Variants in SYTL5 observed in about 807,000 individuals in gnomAD.
SYTL5 encodes the protein synaptotagmin-like protein 5.
In SYTL5, 34 loss-of-function variants were observed where a neutral mutation model predicts 55.9. The observed-to-expected ratio is 0.61, with a 90% CI of 0.46 to 0.81. SYTL5 has a LOEUF of 0.81. SYTL5 is among the 30% of genes least tolerant of loss of function. SYTL5 has a pLI of 0.00. For synonymous variants in SYTL5, 221 were observed against 188.7 expected (o/e 1.17, Z -1.40); for missense variants, 637 against 546.7 (o/e 1.17, Z -1.65).
At chrX:37,904,775 C>T in the SYTL5 span, among the ~76,000 whole-genome samples, 1 of 111,166 alleles carries the variant, frequency 9.0e-6, no homozygotes, top group Non-Finnish European at 1.9e-5. Context: ...ATTGGACCCC[C>T]ATCCTTTACC....
chrX:37,936,320 T>C, the SYTL5 span, among the ~76,000 whole-genome samples: 81 of 111,937 alleles, frequency 7.2e-4, no homozygotes, highest in Admixed American at 1.5e-3. Context: ...TTACACTATG[T>C]TTAGTATTCA....
the SYTL5 span, among the ~76,000 whole-genome samples, chrX:37,957,351 C>A: frequency 9.0e-6 from 1 of 111,545 alleles, no homozygotes; most frequent in Non-Finnish European, 1.9e-5. Flanking sequence ...GAAATCATTG[C>A]CAAGAACCAA....
intron 11 of SYTL5, among the ~76,000 whole-genome samples, chrX:38,108,333 C>G (rs1288422891): frequency 9.0e-6 from 1 of 111,535 alleles, no homozygotes; most frequent in East Asian, 2.8e-4. Flanking sequence ...TTCTTGAGGT[C>G]ACCAAATCTC....
At chrX:38,094,554 G>C in intron 8 of SYTL5, 130 bp downstream of exon 8, 1 of 686,692 alleles carries the variant, frequency 1.5e-6, no homozygotes, top group South Asian at 4.4e-5. Context: ...GACCTATGGT[G>C]GTAGGCCACT....
chrX:38,115,350 A>G (rs1038687303), intron 13 of SYTL5, among the ~76,000 whole-genome samples: 2 of 103,090 alleles, frequency 1.9e-5, no homozygotes, highest in Admixed American at 1.0e-4. Context: ...CGGGCGTGGT[A>G]GCGGGCGCCT....
Position 38,096,473 on chromosome X carries a change from C to A in SYTL5, c.1062+239C>A, listed in dbSNP as rs1386663458. On this transcript the variant is annotated intron_variant, in intron 9 of 16. Transcript: ENST00000297875. Reference sequence around the variant, plus strand: ...CTAAGAAAACACATGTTGGAGATTTCAATTTCTGGCTAAAGTCTTATCACT... The same window carrying A: ...CTAAGAAAACACATGTTGGAGATTTAAATTTCTGGCTAAAGTCTTATCACT... 1.7e-4 allele frequency among the ~76,000 whole-genome samples: 19 copies of A among 111,238 alleles called. No homozygotes were observed. In the Admixed American group the frequency reaches 1.8e-3, roughly 11 times the overall value.
chrX:37,920,441 C>T, the SYTL5 span, among the ~76,000 whole-genome samples: 2 of 110,215 alleles, frequency 1.8e-5, no homozygotes, highest in African/African-American at 3.3e-5. Context: ...CCTGTAGAAT[C>T]GTCTCCTCCA....
intron 1 of SYTL5, among the ~76,000 whole-genome samples, chrX:38,028,929 G>A (rs1934866807): frequency 1.8e-5 from 2 of 111,533 alleles, no homozygotes; most frequent in African/African-American, 6.5e-5. Flanking sequence ...AATGTTTCCT[G>A]TATGATTTTT....
chrX:37,973,015 T>A, the SYTL5 span, among the ~76,000 whole-genome samples: 5 of 111,882 alleles, frequency 4.5e-5, no homozygotes, highest in Non-Finnish European at 9.4e-5. Context: ...TTGCTCTTAG[T>A]TGATTATCTC....
the SYTL5 span, among the ~76,000 whole-genome samples, chrX:37,893,870 T>C: frequency 2.8e-5 from 3 of 105,401 alleles, no homozygotes; most frequent in Non-Finnish European, 5.8e-5. Context: ...AATTGCTTGA[T>C]AAATTTTTAA....
chrX:38,093,968 T>C (rs538585575), intron 7 of SYTL5, among the ~76,000 whole-genome samples: 2 of 111,448 alleles, frequency 1.8e-5, no homozygotes, highest in Admixed American at 1.9e-4. Flanking sequence ...CAGATTATTA[T>C]ACATCCCTCA....
At chrX:37,936,771 G>C in the SYTL5 span, among the ~76,000 whole-genome samples, 19 of 111,312 alleles carry the variant, frequency 1.7e-4, 1 homozygote, top group Admixed American at 1.6e-3. Context: ...ACTAGGTGCA[G>C]TGGCTCACGC....
At chrX:37,974,031 G>A in the SYTL5 span, among the ~76,000 whole-genome samples, 1 of 111,713 alleles carries the variant, frequency 9.0e-6, no homozygotes, top group Non-Finnish European at 1.9e-5. Context: ...TAAAATGGTA[G>A]CTACCAGGGG....
the SYTL5 span, among the ~76,000 whole-genome samples, chrX:37,915,239 T>C: frequency 1.8e-5 from 2 of 111,917 alleles, no homozygotes; most frequent in South Asian, 7.5e-4. Flanking sequence ...TTTTTCTTTA[T>C]ACTTCCAAAC....
intron 6 of SYTL5, among the ~76,000 whole-genome samples, chrX:38,081,222 G>A (rs113231213): frequency 0.014 from 1,579 of 110,958 alleles, 11 homozygotes; most frequent in African/African-American, 0.016. Flanking sequence ...AGGAGCGAGG[G>A]GTGGGCAATC....
chrX:38,058,946 G>A (rs1328910555), intron 3 of SYTL5, among the ~76,000 whole-genome samples: 3 of 110,728 alleles, frequency 2.7e-5, no homozygotes, highest in Admixed American at 9.6e-5. Flanking sequence ...GTAATATTCA[G>A]CATCTTTTAG....
At chrX:37,925,755 C>G in the SYTL5 span, among the ~76,000 whole-genome samples, 248 of 110,710 alleles carry the variant, frequency 2.2e-3, 1 homozygote, top group African/African-American at 7.7e-3. Flanking sequence ...TCCCTCACCC[C>G]CCTCTTCCCT....
intron 1 of SYTL5, among the ~76,000 whole-genome samples, chrX:38,032,153 T>C (rs1934970827): frequency 8.9e-6 from 1 of 112,021 alleles, no homozygotes; most frequent in Non-Finnish European, 1.9e-5. Context: ...TAAGTATGTA[T>C]GTAGTTATTC....
At position 38,043,620 on chromosome X, in the gene SYTL5, G is replaced by C. The variant is rs1048422783; in HGVS notation, c.119+9612G>C. ...TCCCAGAGGTAAATAGTCTCCATTT[G>C]TGTTGAATTTCCCTCCTGTAACTTT... On this transcript the variant is annotated intron_variant, in intron 2 of 16. Transcript: ENST00000297875. 8.5e-5 allele frequency among the ~76,000 whole-genome samples: 8 copies of C among 94,149 alleles called. No individual in the cohort carries two copies. In the East Asian group the frequency reaches 2.5e-3, roughly 29 times the overall value. The allele number at this position is 94,149 out of a possible 115,157, so 81.8% of individuals were successfully genotyped here.
Sources: allele counts gnomAD v4.1 joint callset (sites outside exome capture counted in the v4.1 genomes callset), GRCh38; gene constraint gnomAD v4.1.1; transcripts MANE v1.5; gene names NCBI Gene and HGNC (gene_info 2026-07-23, HGNC 2026-07-21).